COL5A1: variants seen among roughly 807,000 people sequenced by gnomAD.
The protein encoded by COL5A1 is collagen type V alpha 1 chain.
Under a neutral mutation model 263.7 loss-of-function variants are expected in COL5A1, and 16 were observed. The ratio of observed to expected loss-of-function variants is 0.06; its 90% CI spans 0.04 to 0.09. The LOEUF (loss-of-function observed/expected upper bound fraction) is 0.09, where lower values mean the gene tolerates loss of function less well. Ranked by LOEUF, COL5A1 falls within the 10% of genes least tolerant of loss-of-function variation. The pLI is 1.00. For missense variants in COL5A1, 2,036 were observed against 2,540.5 expected (o/e 0.80, Z 4.27); for synonymous variants, 1,012 against 1,004.5 (o/e 1.01, Z -0.14).
In COL5A1 at chr9:134,818,872, C is replaced by T; in HGVS notation, c.4363C>T (p.Pro1455Ser). The T allele has an allele frequency of 6.2e-7, 1 of 1,613,088 alleles. No homozygotes were observed. Among genetic ancestry groups the T allele is most frequent in the Non-Finnish European group, 8.5e-7 (1 of 1,179,822 alleles). ...PVGEQGLPGS[P>S]GPDGPPGPMG... is the part of the protein sequence containing the mutation. ...GGGAGAACAAGGTCTCCCAGGATCC[C>T]CAGGCCCGGACGGTCCCCCCGGCCC... The change falls in exon 56 of 66, where the codon CCA (proline) becomes TCA (serine). Residue 1455 changes from proline to serine, a missense_variant. Around this residue, in one of 3 missense-constraint regions of COL5A1, gnomAD observed 1,078 missense variants for 1,521.4 expected, o/e 0.71. Transcript: ENST00000371817. The surrounding 1 kb of genome is among the most constrained non-coding windows in gnomAD (Gnocchi z 6.0).
Position 134,781,189 on chromosome 9 carries a change from G to A in COL5A1, c.2430+1043G>A, listed in dbSNP as rs377319031. On this transcript the variant is annotated intron_variant, in intron 28 of 65. Transcript: ENST00000371817. The stretch of plus-strand genomic sequence containing the variant: ...TGGATCAGAAATGATGTGGCAGCAG[G>A]AACGCTCTTGTTCCACGGAGTTTGT... Among the ~76,000 whole-genome samples, 302 of 152,376 alleles carry A rather than the reference G, an allele frequency of 2.0e-3. 1 individual carries two copies. Among genetic ancestry groups the A allele is most frequent in the African/African-American group, 7.0e-3 (291 of 41,592 alleles).
At position 134,829,594 on chromosome 9, in the gene COL5A1, A is replaced by G. The variant is rs1397842896; in HGVS notation, c.5068-382A>G. The stretch of plus-strand genomic sequence containing the variant: ...GCCGGGCTCCTCACGTGGCCTCCCT[A>G]AGGGCCGGGGCCAGGCTCATCCTCA... On this transcript the variant is annotated intron_variant, in intron 63 of 65. Coordinates refer to ENST00000371817, the MANE Select transcript of COL5A1 (RefSeq NM_000093.5). 4.2e-3 allele frequency among the ~76,000 whole-genome samples: 416 copies of G among 97,952 alleles called. 24 individuals carry two copies. Among genetic ancestry groups the G allele is most frequent in the African/African-American group, 0.015 (379 of 25,718 alleles). 64.3% of individuals were successfully genotyped at this position (97,952 alleles called of 152,430 possible). A position where few individuals can be genotyped will look rare whatever the true frequency, so the allele number is the denominator to read the frequency against.
At chr9:134,823,182 C>A in intron 60 of COL5A1, 149 bp downstream of exon 60, 6 of 1,097,526 alleles carry the variant, frequency 5.5e-6, no homozygotes, top group East Asian at 2.5e-5. Context: ...TGACCCATGG[C>A]GGACTGAGGC....
chr9:134,685,114 TCATCCATCCATC>T (rs767814449), intron 1 of COL5A1, among the ~76,000 whole-genome samples: 58 of 11,292 alleles, frequency 5.1e-3, no homozygotes, highest in Non-Finnish European at 8.4e-3. Flanking sequence ...ATCCATCCAT[TCATCCATCCATC>T]CATCCATCCA....
Position 134,758,671 on chromosome 9 carries a change from A to G in COL5A1, c.1935+375A>G, listed in dbSNP as rs570297789. On this transcript the variant is annotated intron_variant, in intron 18 of 65. Coordinates refer to ENST00000371817, the MANE Select transcript of COL5A1 (RefSeq NM_000093.5). This position sits in a 1 kb window ranked among gnomAD's most constrained non-coding sequence, Gnocchi z 4.1. ...TGCCATTTCAGGGGCGGCCAAGGAC[A>G]CTTTGCAATATTAAAGTGGTGGTCC... Among the ~76,000 whole-genome samples the G allele has an allele frequency of 1.3e-5, 2 of 152,148 alleles. No individual in the cohort carries two copies. The highest frequency in any genetic ancestry group is 2.9e-5 in the Non-Finnish European group (2 of 68,022).
Position 134,776,082 on chromosome 9 carries a change from G to A in COL5A1, c.2385+1170G>A, listed in dbSNP as rs138425769. ...ATCAAGTGCCCCACCCTTGTCCCCC[G>A]GAGGCCCCGACTTCCATTTCCCAGG... On this transcript the variant is annotated intron_variant, in intron 27 of 65. Coordinates refer to ENST00000371817, the MANE Select transcript of COL5A1 (RefSeq NM_000093.5). Among the ~76,000 whole-genome samples the A allele has an allele frequency of 1.2e-3, 185 of 152,190 alleles. 1 individual carries two copies. Among genetic ancestry groups the A allele is most frequent in the African/African-American group, 4.2e-3 (174 of 41,510 alleles).
chr9:134,744,620 C>T (rs1291779987), intron 11 of COL5A1, among the ~76,000 whole-genome samples: 2 of 151,818 alleles, frequency 1.3e-5, no homozygotes, highest in Non-Finnish European at 2.9e-5. Flanking sequence ...TGCACACACA[C>T]TCATGCACAC....
rs1837916018 is a variant in COL5A1 at position 134,796,540 on chromosome 9, G to C, written c.2844+122G>C. On this transcript the variant is annotated intron_variant, in intron 35 of 65. Coordinates refer to ENST00000371817, the MANE Select transcript of COL5A1 (RefSeq NM_000093.5). ...ACGCCTCAGACCCTGCTGAAGGGTA[G>C]GGTTTTCCTAAGATCCCAAGGGTGG... 4.7e-6 allele frequency: 5 copies of C among 1,071,156 alleles called. No homozygotes were observed. The Admixed American group carries it at 5.6e-5, about 12-fold the overall frequency. 66.4% of individuals were successfully genotyped at this position (1,071,156 alleles called of 1,614,324 possible).
rs915577468 is a variant in COL5A1, at chr9:134,832,257, T to C, written c.5136+2213T>C. 5.3e-5 allele frequency among the ~76,000 whole-genome samples: 8 copies of C among 152,070 alleles called. No homozygotes were observed. In the South Asian group the frequency reaches 1.0e-3, roughly 20 times the overall value. ...CCCATCTCTACTAAAAATACAAAAA[T>C]TAGCTGGGCATAGTGGTGTGCACCT... is the stretch of plus-strand genomic sequence containing the variant. On this transcript the variant is annotated intron_variant, in intron 64 of 65. Coordinates refer to ENST00000371817, the MANE Select transcript of COL5A1 (RefSeq NM_000093.5).
intron 1 of COL5A1, among the ~76,000 whole-genome samples, chr9:134,683,298 G>C (rs1374845987): frequency 6.6e-6 from 1 of 152,150 alleles, no homozygotes; most frequent in Non-Finnish European, 1.5e-5. Flanking sequence ...CAAACCTTCT[G>C]CCCTTGGGAA....
chr9:134,819,957 A>C (rs1429693170), intron 57 of COL5A1, among the ~76,000 whole-genome samples, 159 bp from the exon 58 acceptor site: 1 of 152,160 alleles, frequency 6.6e-6, no homozygotes, highest in Non-Finnish European at 1.5e-5. Flanking sequence ...CCGTTTCGTC[A>C]CCTGGCCCCT....
Position 134,824,785 on chromosome 9 carries a change from C to T in COL5A1, c.4884C>T (p.Pro1628=). 6 of 1,614,118 alleles carry T rather than the reference C, an allele frequency of 3.7e-6. No homozygotes were observed. The highest frequency in any genetic ancestry group is 5.1e-6 in the Non-Finnish European group (6 of 1,180,032). Residue 1628 remains proline (P), a synonymous_variant, in exon 62 of 66, where the codon CCC becomes CCT. Transcript: ENST00000371817. ...TGGAGATTGAGCAGATGAAACGGCC[C>T]CTGGGCACGCAGCAGAACCCCGCCC... ...LKLEIEQMKR[P]LGTQQNPART...
In COL5A1 at chr9:134,738,722, C is replaced by T. The variant is rs3109677; in HGVS notation, c.1432-24C>T. 0.51 allele frequency: 811,063 copies of T among 1,595,100 alleles called. 212,195 individuals carry two copies. Among genetic ancestry groups the T allele is most frequent in the African/African-American group, 0.78 (57,991 of 74,326 alleles). The stretch of plus-strand genomic sequence containing the variant: ...GCCCTGCGGCCCCATCTTCTAACTG[C>T]CCCAACTTTATTTTTAATTCTAGGG... On this transcript the variant is annotated intron_variant, in intron 10 of 65. Transcript: ENST00000371817.
intron 21 of COL5A1, among the ~76,000 whole-genome samples, chr9:134,766,212 C>T (rs1836658148): frequency 6.6e-6 from 1 of 152,168 alleles, no homozygotes; most frequent in Non-Finnish European, 1.5e-5. Flanking sequence ...AACCTGAGGC[C>T]TGCCCCGTGG....
chr9:134,815,808 C>T, intron 51 of COL5A1, 127 bp from the exon 52 acceptor site: 2 of 1,316,444 alleles, frequency 1.5e-6, no homozygotes, highest in Non-Finnish European at 2.2e-6. Context: ...ACCCCACTGA[C>T]CATGCTCTGT....
rs1313358110 is a variant in COL5A1, at chr9:134,652,087, C to A, written c.109+9791C>A. On this transcript the variant is annotated intron_variant, in intron 1 of 65. Transcript: ENST00000371817. This position sits in a 1 kb window ranked among gnomAD's most constrained non-coding sequence, Gnocchi z 4.4. The stretch of plus-strand genomic sequence containing the variant: ...AGAGCCTTTGGCTACAGAGTGTTCC[C>A]GCGGTCGAGGTGGGGTGAAGGGCGT... 6.6e-6 allele frequency among the ~76,000 whole-genome samples: 1 copy of A among 152,040 alleles called. No homozygotes were observed. Among genetic ancestry groups the A allele is most frequent in the Non-Finnish European group, 1.5e-5 (1 of 68,016 alleles).
chr9:134,763,651 A>G, intron 19 of COL5A1, 42 bp from the exon 20 acceptor site: 3 of 1,605,402 alleles, frequency 1.9e-6, no homozygotes, highest in Non-Finnish European at 2.6e-6. Flanking sequence ...TGTCCAGGCT[A>G]ACAGCTCATT....
intron 9 of COL5A1, among the ~76,000 whole-genome samples, chr9:134,738,264 G>A (rs986398409): frequency 3.3e-5 from 5 of 152,192 alleles, no homozygotes; most frequent in African/African-American, 4.8e-5. Context: ...CGCTGGCCCG[G>A]GTTGCTCTTC....
intron 35 of COL5A1, 28 bp downstream of exon 35, chr9:134,796,446 C>T: frequency 1.2e-6 from 2 of 1,612,934 alleles, no homozygotes; most frequent in Non-Finnish European, 1.7e-6. Context: ...TCGGGGGTGT[C>T]TCCAAGGGCA....
Sources: allele counts gnomAD v4.1 joint callset (sites outside exome capture counted in the v4.1 genomes callset), GRCh38; gene constraint gnomAD v4.1.1; regional missense constraint gnomAD v4.1.1; non-coding constraint Gnocchi (gnomAD v3.1); transcripts MANE v1.5; gene names NCBI Gene and HGNC (gene_info 2026-07-23, HGNC 2026-07-21).